ASZ1: variants seen among roughly 807,000 people sequenced by gnomAD.
ASZ1 encodes ankyrin repeat, SAM and basic leucine zipper domain containing 1, also known as ankyrin repeat, SAM and basic leucine zipper domain-containing protein 1.
ASZ1 carries 67 observed loss-of-function variants against 61.8 expected under a neutral mutation model. The ratio of observed to expected loss-of-function variants is 1.08; its 90% CI spans 0.89 to 1.33. The LOEUF (loss-of-function observed/expected upper bound fraction) is 1.33, where lower values mean the gene tolerates loss of function less well. Among genes scored for constraint, ASZ1 ranks in the 40% most tolerant of loss-of-function variants. The probability of loss-of-function intolerance (pLI) is 0.00; values close to 1 mark genes in which losing one functional copy is unlikely to be tolerated. For synonymous variants in ASZ1, 193 were observed against 192.7 expected (o/e 1.00, Z -0.01); for missense variants, 577 against 554.5 (o/e 1.04, Z -0.41).
At chr7:117,382,930 A>G (rs1796281066) in intron 7 of ASZ1, 56 bp downstream of exon 7, 1 of 1,433,966 alleles carries the variant, frequency 7.0e-7, no homozygotes, top group East Asian at 2.6e-5. Context: ...ACTACAATAA[A>G]ATATACACAA....
chr7:117,411,122 C>T (rs1796881505), intron 4 of ASZ1, among the ~76,000 whole-genome samples: 1 of 151,612 alleles, frequency 6.6e-6, no homozygotes, highest in South Asian at 2.1e-4. Context: ...AAATTAGTGC[C>T]AAGAGCTTTT....
chr7:117,406,159 C>T (rs1199983002), intron 4 of ASZ1, among the ~76,000 whole-genome samples: 1 of 152,148 alleles, frequency 6.6e-6, no homozygotes, highest in East Asian at 1.9e-4. Context: ...AAAATGATAG[C>T]TTTAAAGTAC....
chr7:117,379,970 T>C lies in ASZ1; in HGVS notation c.1023A>G (p.Gly341=). The change falls in exon 10 of 13, where the codon GGA becomes GGG. Residue 341 remains glycine, a synonymous_variant. Coordinates refer to ENST00000284629, the MANE Select transcript of ASZ1 (RefSeq NM_130768.3). Reference sequence around the variant, plus strand: ...CCAACTTTGTCTCTTCAGATAGCTCTCCAAATTGTATCTCTTCTACCTGTA... The same window carrying C: ...CCAACTTTGTCTCTTCAGATAGCTCCCCAAATTGTATCTCTTCTACCTGTA... The part of the protein sequence containing the change: ...KELQVEEIQF[G]ELSEETKLEI... 1 of 1,605,870 alleles carries C rather than the reference T, an allele frequency of 6.2e-7. No homozygotes were observed. Among genetic ancestry groups the C allele is most frequent in the Non-Finnish European group, 8.5e-7 (1 of 1,175,078 alleles).
At chr7:117,370,804 T>TTG (rs3138784) in intron 10 of ASZ1, among the ~76,000 whole-genome samples, 27,516 of 133,002 alleles carry the variant, frequency 0.21, 2,746 homozygotes, top group African/African-American at 0.22. Context: ...CCAAAGGTAA[T>TTG]TGTGTGTGTG....
In ASZ1 at chr7:117,379,981, T is replaced by A. The variant is rs971636754; in HGVS notation, c.1012A>T (p.Ile338Leu). Residue 338 changes from isoleucine (I) to leucine (L), a missense_variant, in exon 10 of 13, where the codon ATA (isoleucine) becomes TTA (leucine). By Grantham distance (5) the Ile-to-Leu change is conservative. Coordinates refer to ENST00000284629, the MANE Select transcript of ASZ1 (RefSeq NM_130768.3). ...AALKELQVEEIQFGELSEETK... is the reference protein window; with the variant it reads ...AALKELQVEELQFGELSEETK... ...TCTTCAGATAGCTCTCCAAATTGTATCTCTTCTACCTGTAGTTCTTTAAGA... is the reference window on the plus strand; with the variant it reads ...TCTTCAGATAGCTCTCCAAATTGTAACTCTTCTACCTGTAGTTCTTTAAGA... 1.4e-5 allele frequency: 22 copies of A among 1,607,338 alleles called. No homozygotes were observed. The highest frequency in any genetic ancestry group is 3.4e-6 in the Non-Finnish European group (4 of 1,176,520).
intron 4 of ASZ1, among the ~76,000 whole-genome samples, chr7:117,418,102 A>G (rs912321945): frequency 2.0e-5 from 3 of 152,224 alleles, no homozygotes; most frequent in African/African-American, 7.2e-5. Context: ...TGTGTTTACA[A>G]CATTTTAGGT....
intron 4 of ASZ1, among the ~76,000 whole-genome samples, chr7:117,387,603 G>A (rs891146892): frequency 5.3e-5 from 8 of 152,018 alleles, no homozygotes; most frequent in African/African-American, 1.9e-4. Context: ...ACAAGTCACC[G>A]GCAGCTCCTA....
chr7:117,394,769 C>T (rs981200110), intron 4 of ASZ1, among the ~76,000 whole-genome samples: 11 of 152,280 alleles, frequency 7.2e-5, no homozygotes, highest in African/African-American at 2.2e-4. Context: ...TCACCTCTAT[C>T]TTCTAGTCCA....
intron 4 of ASZ1, among the ~76,000 whole-genome samples, chr7:117,410,257 A>G (rs1291104048): frequency 6.6e-6 from 1 of 151,752 alleles, no homozygotes; most frequent in Non-Finnish European, 1.5e-5. Flanking sequence ...CAGCAAAATC[A>G]GTGAAACAAA....
rs1258466694 is a variant in ASZ1 at position 117,363,332 on chromosome 7, AT to A, written c.*263del. 1.8e-5 allele frequency: 4 copies of A among 223,612 alleles called. No individual in the cohort carries two copies. Among genetic ancestry groups the A allele is most frequent in the Non-Finnish European group, 2.6e-5 (3 of 115,914 alleles). 13.9% of individuals were successfully genotyped at this position (223,612 alleles called of 1,614,324 possible). On this transcript the variant is annotated 3_prime_UTR_variant, in exon 13 of 13. Transcript: ENST00000284629. Reference sequence around the variant, plus strand: ...GTCAAAGATATTAGATATAACTTTAATTTTGAATGTGATTTAGATACGATCA... The same window carrying A: ...GTCAAAGATATTAGATATAACTTTAATTTGAATGTGATTTAGATACGATCA...
chr7:117,411,589 A>G (rs1157360220), intron 4 of ASZ1, among the ~76,000 whole-genome samples: 1 of 151,866 alleles, frequency 6.6e-6, no homozygotes, highest in East Asian at 1.9e-4. Flanking sequence ...GCAAGATTTT[A>G]AATGTGCAAA....
intron 4 of ASZ1, among the ~76,000 whole-genome samples, chr7:117,418,635 A>G (rs1388778950): frequency 3.4e-5 from 5 of 145,610 alleles, no homozygotes; most frequent in Non-Finnish European, 6.0e-5. Context: ...CCTGGGCGAC[A>G]GAGCAAGACT....
In ASZ1 at chr7:117,368,626, C is replaced by G. The variant is rs770105665; in HGVS notation, c.1147G>C (p.Val383Leu). 3.0e-5 allele frequency: 49 copies of G among 1,610,808 alleles called. No individual in the cohort carries two copies. The highest frequency in any genetic ancestry group is 5.0e-5 in the Admixed American group (3 of 59,564). Residue 383 changes from valine (V) to leucine (L), a missense_variant, in exon 11 of 13, where the codon GTA (valine) becomes CTA (leucine). Val to Leu is a conservative substitution (Grantham distance 32, BLOSUM62 1). Coordinates refer to ENST00000284629, the MANE Select transcript of ASZ1 (RefSeq NM_130768.3). ...TTGTAGAATACCTTTTGAGAATTTACAGGTAACTCAGTAATAACATTCTGT... is the reference window on the plus strand; with the variant it reads ...TTGTAGAATACCTTTTGAGAATTTAGAGGTAACTCAGTAATAACATTCTGT... ...AVQNVITELP[V>L]NSQKITLEWA...
At chr7:117,394,459 T>C (rs1431612191) in intron 4 of ASZ1, among the ~76,000 whole-genome samples, 1 of 152,220 alleles carries the variant, frequency 6.6e-6, no homozygotes, top group Non-Finnish European at 1.5e-5. Context: ...ATTTTTGCCT[T>C]CATTCTTAAT....
intron 4 of ASZ1, among the ~76,000 whole-genome samples, chr7:117,394,868 T>C (rs1796548332): frequency 6.6e-6 from 1 of 152,240 alleles, no homozygotes; most frequent in Admixed American, 6.5e-5. Context: ...CCTTTTTTCA[T>C]AATTCACTGT....
chr7:117,415,245 C>A (rs892425802), intron 4 of ASZ1, among the ~76,000 whole-genome samples: 2 of 152,066 alleles, frequency 1.3e-5, no homozygotes, highest in Non-Finnish European at 2.9e-5. Context: ...ACCTGAGGAC[C>A]AAAAATATTA....
chr7:117,385,698 A>G lies in ASZ1; in HGVS notation c.552T>C (p.Thr184=), dbSNP rs759971835. 2 of 1,589,102 alleles carry G rather than the reference A, an allele frequency of 1.3e-6. No homozygotes were observed. Among genetic ancestry groups the G allele is most frequent in the Admixed American group, 1.7e-5 (1 of 59,550 alleles). The change falls in exon 5 of 13, where the codon ACT becomes ACC. Residue 184 remains threonine, a splice_region_variant and synonymous_variant. Coordinates refer to ENST00000284629, the MANE Select transcript of ASZ1 (RefSeq NM_130768.3). ...GAAACATTGTAAAAATGTTTCTCAC[A>G]GTGTAACCATTCTCATCCTGGGTAT... ...EVNTQDENGY[T]ALTWAARQGH...
intron 10 of ASZ1, among the ~76,000 whole-genome samples, chr7:117,369,239 G>A (rs888301862): frequency 6.6e-6 from 1 of 152,100 alleles, no homozygotes. Context: ...TGCCAAGTAG[G>A]TAAGGAAGAG....
At chr7:117,403,476 C>T (rs922215942) in intron 4 of ASZ1, among the ~76,000 whole-genome samples, 9 of 152,034 alleles carry the variant, frequency 5.9e-5, no homozygotes, top group Admixed American at 3.9e-4. Context: ...TTTTGTGTTA[C>T]CGTGATTATG....
Sources: gnomAD v4.1 joint callset for allele counts (sites outside exome capture counted in the v4.1 genomes callset) on GRCh38, gnomAD v4.1.1 for gene constraint, MANE v1.5 for transcripts, NCBI Gene and HGNC (gene_info 2026-07-23, HGNC 2026-07-21) for gene names.